UHRF1: variants seen among roughly 807,000 people sequenced by gnomAD.
UHRF1 encodes the protein ubiquitin like with PHD and ring finger domains 1.
A neutral mutation model predicts 96.5 loss-of-function variants in UHRF1; 9 were observed. The ratio of observed to expected loss-of-function variants is 0.09; its 90% CI spans 0.06 to 0.16. The LOEUF (loss-of-function observed/expected upper bound fraction) is 0.16. UHRF1 is among the 10% of genes least tolerant of loss of function. The pLI, the probability that UHRF1 is intolerant of heterozygous loss-of-function variation, is 1.00. For missense variants in UHRF1, 626 were observed against 1,131.1 expected, an observed-to-expected ratio of 0.55 and a Z score of 6.40; for synonymous variants, 455 against 469.9, an observed-to-expected ratio of 0.97 and a Z score of 0.41.
intron 11 of UHRF1, 37 bp from the exon 12 acceptor site, chr19:4,950,574 T>C (rs991209928): frequency 1.2e-4 from 184 of 1,592,558 alleles, no homozygotes; most frequent in Non-Finnish European, 1.5e-4. Context: ...GGGTACATCC[T>C]CACCTATAAT....
At chr19:4,936,009 C>T (rs2033204707) in intron 5 of UHRF1, among the ~76,000 whole-genome samples, 1 of 152,158 alleles carries the variant, frequency 6.6e-6, no homozygotes, top group African/African-American at 2.4e-5. Context: ...GGGGTGTCAC[C>T]AGGCAGGGAA....
In UHRF1 at chr19:4,918,575, C is replaced by A. The variant is rs915921931; in HGVS notation, c.153+7537C>A. On this transcript the variant is annotated intron_variant, in intron 2 of 16. Transcript: ENST00000650932. ...GACTACAGGCATGCACCACCATGCCCGGCTAATTTTGTATTTTTAGTAGAG... is the reference window on the plus strand; with the variant it reads ...GACTACAGGCATGCACCACCATGCCAGGCTAATTTTGTATTTTTAGTAGAG... Among the ~76,000 whole-genome samples, 15 of 151,214 alleles carry A rather than the reference C, an allele frequency of 9.9e-5. No individual in the cohort carries two copies. The South Asian group carries it at 2.5e-3, about 25-fold the overall frequency.
In UHRF1 at chr19:4,954,102, C is replaced by G. The variant is rs561699135; in HGVS notation, c.1819-248C>G. 6.6e-6 allele frequency among the ~76,000 whole-genome samples: 1 copy of G among 152,222 alleles called. No homozygotes were observed. Among genetic ancestry groups the G allele is most frequent in the South Asian group, 2.1e-4 (1 of 4,826 alleles). On this transcript the variant is annotated intron_variant, in intron 13 of 16. Coordinates refer to ENST00000650932, the MANE Select transcript of UHRF1 (RefSeq NM_001048201.3). The surrounding 1 kb of genome is among the most constrained non-coding windows in gnomAD (Gnocchi z 5.9). Reference sequence around the variant, plus strand: ...ATGCAGCGCCTCTAGACGTTGGACACTTAGAACAGTGTGCAGTTTACAACT... The same window carrying G: ...ATGCAGCGCCTCTAGACGTTGGACAGTTAGAACAGTGTGCAGTTTACAACT...
intron 2 of UHRF1, among the ~76,000 whole-genome samples, chr19:4,925,332 C>T (rs2032834888): frequency 6.6e-6 from 1 of 152,116 alleles, no homozygotes; most frequent in Admixed American, 6.6e-5. Context: ...ACCCTCAAAT[C>T]CCCTTCCTGC....
intron 13 of UHRF1, 98 bp downstream of exon 13, chr19:4,951,094 C>T (rs2033706045): frequency 3.5e-6 from 5 of 1,409,888 alleles, no homozygotes; most frequent in Non-Finnish European, 4.7e-6. Flanking sequence ...GGTGAAACCT[C>T]ATCTCTACTA....
At chr19:4,919,925 C>G (rs998685953) in intron 2 of UHRF1, among the ~76,000 whole-genome samples, 13 of 151,916 alleles carry the variant, frequency 8.6e-5, no homozygotes, top group Admixed American at 2.6e-4. Flanking sequence ...TCAAGCGATT[C>G]TCCTGCCTCA....
chr19:4,949,083 C>G (rs1599292794), intron 11 of UHRF1, among the ~76,000 whole-genome samples: 1 of 148,076 alleles, frequency 6.8e-6, no homozygotes, highest in Non-Finnish European at 1.5e-5. Context: ...TGCAGTGAGC[C>G]AAGATTGCTC....
At chr19:4,947,752 C>T (rs944673603) in intron 11 of UHRF1, among the ~76,000 whole-genome samples, 4 of 151,094 alleles carry the variant, frequency 2.6e-5, no homozygotes, top group East Asian at 4.0e-4. Context: ...CTTCCCTCCT[C>T]GGCCTCCCAA....
At chr19:4,916,634 G>A (rs1054870389) in intron 2 of UHRF1, among the ~76,000 whole-genome samples, 2 of 151,870 alleles carry the variant, frequency 1.3e-5, no homozygotes, top group African/African-American at 2.4e-5. Flanking sequence ...TCGCGGCGCC[G>A]TCCACGCCAC....
Position 4,951,556 on chromosome 19 carries a change from G to A in UHRF1, c.1818+560G>A, listed in dbSNP as rs375482866. 1.1e-3 allele frequency among the ~76,000 whole-genome samples: 160 copies of A among 152,200 alleles called. 3 individuals are homozygous for A. The South Asian group carries it at 0.029, about 28-fold the overall frequency. On this transcript the variant is annotated intron_variant, in intron 13 of 16. Coordinates refer to ENST00000650932, the MANE Select transcript of UHRF1 (RefSeq NM_001048201.3). ...CCTCCAGCCAGGGGGTGATGGGAAC[G>A]CGCAGATGACATTTGCTTCTCCGCC...
In UHRF1 at chr19:4,954,324, C is replaced by G; in HGVS notation, c.1819-26C>G. 6.2e-7 allele frequency: 1 copy of G among 1,607,506 alleles called. No homozygotes were observed. Among genetic ancestry groups the G allele is most frequent in the South Asian group, 1.1e-5 (1 of 90,182 alleles). On this transcript the variant is annotated intron_variant, in intron 13 of 16. Transcript: ENST00000650932. The surrounding 1 kb of genome is among the most constrained non-coding windows in gnomAD (Gnocchi z 5.9). Reference sequence around the variant, plus strand: ...TAGCGTGTGGGCCCCAAGCCTGACTCACGGCTGTCCCTCTTCCTCCTGAAG... The same window carrying G: ...TAGCGTGTGGGCCCCAAGCCTGACTGACGGCTGTCCCTCTTCCTCCTGAAG...
intron 2 of UHRF1, among the ~76,000 whole-genome samples, chr19:4,911,897 AGTC>A (rs1330836889): frequency 5.3e-5 from 8 of 152,116 alleles, no homozygotes; most frequent in Non-Finnish European, 1.2e-4. Flanking sequence ...CTGGATTAAA[AGTC>A]GTCAGTTGAG....
At chr19:4,933,021 C>T in intron 5 of UHRF1, 65 bp downstream of exon 5, 6 of 1,502,032 alleles carry the variant, frequency 4.0e-6, no homozygotes, top group Non-Finnish European at 5.4e-6. Context: ...GGCCCCCGGA[C>T]TGGCTTTGAA....
At chr19:4,938,466 G>A (rs1371760294) in intron 5 of UHRF1, among the ~76,000 whole-genome samples, 4 of 150,750 alleles carry the variant, frequency 2.7e-5, no homozygotes, top group Admixed American at 2.0e-4. Flanking sequence ...TATTTTTGAG[G>A]ATCTTAGACC....
chr19:4,952,660 G>C (rs899279911), intron 13 of UHRF1, among the ~76,000 whole-genome samples: 13 of 151,764 alleles, frequency 8.6e-5, no homozygotes, highest in African/African-American at 2.4e-4. Context: ...GGGATTACAG[G>C]TGTGAGCCGC....
chr19:4,959,694 C>T (rs17879185), intron 16 of UHRF1, among the ~76,000 whole-genome samples: 3,939 of 152,086 alleles, frequency 0.026, 180 homozygotes, highest in African/African-American at 0.089. Context: ...TTCTCATTGA[C>T]GTGTATGTTT....
intron 2 of UHRF1, among the ~76,000 whole-genome samples, chr19:4,917,071 G>A (rs953210616): frequency 1.0e-5 from 1 of 96,036 alleles, no homozygotes; most frequent in East Asian, 2.5e-4. Context: ...GCAGCTCGGT[G>A]GGGGGGGGGG....
chr19:4,936,631 A>G (rs2033224007), intron 5 of UHRF1, among the ~76,000 whole-genome samples: 2 of 152,074 alleles, frequency 1.3e-5, no homozygotes, highest in Non-Finnish European at 2.9e-5. Flanking sequence ...CTTGCATTGT[A>G]GATTCACATG....
chr19:4,944,676 C>T (rs985202296), intron 9 of UHRF1, among the ~76,000 whole-genome samples: 3 of 152,168 alleles, frequency 2.0e-5, no homozygotes, highest in Admixed American at 6.5e-5. Flanking sequence ...CTCAGAGACA[C>T]GTAAGGTCAT....
Sources: gnomAD v4.1 joint callset for allele counts (sites outside exome capture counted in the v4.1 genomes callset) on GRCh38, gnomAD v4.1.1 for gene constraint, Gnocchi (gnomAD v3.1) non-coding constraint, MANE v1.5 for transcripts, NCBI Gene and HGNC (gene_info 2026-07-23, HGNC 2026-07-21) for gene names.